Variants in PPFIA2 observed in about 807,000 individuals in gnomAD.
The protein encoded by PPFIA2 is liprin-alpha-2.
In PPFIA2, 46 loss-of-function variants were observed where a neutral mutation model predicts 175.5. The observed-to-expected ratio is 0.26, with a 90% CI of 0.21 to 0.34. PPFIA2 has a LOEUF of 0.34. PPFIA2 is among the 10% of genes least tolerant of loss of function. PPFIA2 has a pLI of 1.00. For synonymous variants in PPFIA2, 568 were observed against 511.4 expected, an observed-to-expected ratio of 1.11 and a Z score of -1.49; for missense variants, 1,179 against 1,506.1, an observed-to-expected ratio of 0.78 and a Z score of 3.60.
At chr12:81,332,063 A>G (rs987334819) in intron 21 of PPFIA2, among the ~76,000 whole-genome samples, 8 of 152,096 alleles carry the variant, frequency 5.3e-5, no homozygotes, top group Non-Finnish European at 1.2e-4. Context: ...TCCATACACT[A>G]TCATCATTTT....
chr12:81,470,036 G>A (rs909126524), intron 4 of PPFIA2, among the ~76,000 whole-genome samples: 2 of 152,132 alleles, frequency 1.3e-5, no homozygotes, highest in Non-Finnish European at 2.9e-5. Context: ...ATATATCTTT[G>A]TTGATTAAGC....
chr12:81,479,630 A>C lies in PPFIA2; in HGVS notation c.304-21764T>G, dbSNP rs147611005. On this transcript the variant is annotated intron_variant, in intron 4 of 32. Transcript: ENST00000549396. ...TGTAAGGCAGGCCTGGTGGTGACAAAATCTCTCAGCATTTGCTTGTCTGTA... is the reference window on the plus strand; with the variant it reads ...TGTAAGGCAGGCCTGGTGGTGACAACATCTCTCAGCATTTGCTTGTCTGTA... 1.8e-3 allele frequency among the ~76,000 whole-genome samples: 271 copies of C among 152,236 alleles called. 1 individual carries two copies. The highest frequency in any genetic ancestry group is 0.01 in the Middle Eastern group (3 of 294).
intron 4 of PPFIA2, among the ~76,000 whole-genome samples, chr12:81,636,318 T>G (rs976215624): frequency 8.3e-5 from 12 of 144,878 alleles, no homozygotes; most frequent in South Asian, 4.3e-4. Context: ...CAGGCTGGAG[T>G]GCAGTGGCGG....
intron 9 of PPFIA2, among the ~76,000 whole-genome samples, chr12:81,379,991 T>C (rs543192509): frequency 6.6e-6 from 1 of 152,172 alleles, no homozygotes; most frequent in Non-Finnish European, 1.5e-5. Context: ...TATTACAACA[T>C]ACATTTATTA....
chr12:81,445,788 C>A, intron 5 of PPFIA2, 68 bp from the exon 6 acceptor site: 1 of 1,441,626 alleles, frequency 6.9e-7, no homozygotes, highest in Non-Finnish European at 9.4e-7. Flanking sequence ...AAATGACTTC[C>A]CCCTTAAATT....
At chr12:81,380,933 C>G (rs116384907) in intron 9 of PPFIA2, among the ~76,000 whole-genome samples, 59 of 149,336 alleles carry the variant, frequency 4.0e-4, no homozygotes, top group African/African-American at 1.4e-3. Flanking sequence ...CTGAATATTT[C>G]AGAATTCGTT....
At chr12:81,594,096 C>T (rs1307842859) in intron 4 of PPFIA2, among the ~76,000 whole-genome samples, 1 of 152,034 alleles carries the variant, frequency 6.6e-6, no homozygotes, top group Admixed American at 6.6e-5. Flanking sequence ...CTATGTTGCA[C>T]CTGCCTTACA....
At chr12:81,277,277 C>A in intron 28 of PPFIA2, 40 bp downstream of exon 28, 2 of 1,496,536 alleles carry the variant, frequency 1.3e-6, no homozygotes, top group East Asian at 2.5e-5. Context: ...GCTAAAAACC[C>A]CAGAATAAAG....
rs2065463326 is a variant in PPFIA2 at position 81,642,813 on chromosome 12, CATACATGTATATGT to C, written c.303+33964_303+33977del. On this transcript the variant is annotated intron_variant, in intron 4 of 32. Coordinates refer to ENST00000549396, the MANE Select transcript of PPFIA2 (RefSeq NM_003625.5). ...TACATGTATATGTATGTATGTATTA[CATACATGTATATGT>C]ATGTATGTATTACATACATATATAA... 3.3e-5 allele frequency among the ~76,000 whole-genome samples: 2 copies of C among 60,282 alleles called. 1 individual carries two copies. Among genetic ancestry groups the C allele is most frequent in the Non-Finnish European group, 6.3e-5 (2 of 31,600 alleles). The allele number at this position is 60,282 out of a possible 152,430, so 39.5% of individuals were successfully genotyped here. A position where few individuals can be genotyped will look rare whatever the true frequency, so the allele number is the denominator to read the frequency against.
chr12:81,381,771 C>G (rs150267098), intron 9 of PPFIA2, among the ~76,000 whole-genome samples: 68 of 152,148 alleles, frequency 4.5e-4, no homozygotes, highest in African/African-American at 1.5e-3. Flanking sequence ...AGCAGTCTAC[C>G]ACTTCATGGT....
chr12:81,275,960 A>G (rs947377382), intron 28 of PPFIA2, among the ~76,000 whole-genome samples: 1 of 151,448 alleles, frequency 6.6e-6, no homozygotes, highest in Non-Finnish European at 1.5e-5. Flanking sequence ...AATTTTTTGT[A>G]TTTTTAGTAG....
chr12:81,554,984 C>T (rs2068590672), intron 4 of PPFIA2, among the ~76,000 whole-genome samples: 1 of 151,980 alleles, frequency 6.6e-6, no homozygotes, highest in Non-Finnish European at 1.5e-5. Flanking sequence ...GGAATAGGAT[C>T]TCAGAGTACA....
chr12:81,742,002 G>A (rs1406196826), intron 3 of PPFIA2, among the ~76,000 whole-genome samples: 1 of 152,108 alleles, frequency 6.6e-6, no homozygotes, highest in East Asian at 1.9e-4. Flanking sequence ...GGTTATTTAG[G>A]GGACAACTTT....
intron 21 of PPFIA2, among the ~76,000 whole-genome samples, chr12:81,333,605 T>C (rs765607140): frequency 2.4e-4 from 32 of 135,780 alleles, no homozygotes; most frequent in Non-Finnish European, 5.4e-4. Flanking sequence ...ATATTGACTT[T>C]AGAGTCACAT....
At chr12:81,727,393 A>G (rs1420692129) in intron 3 of PPFIA2, among the ~76,000 whole-genome samples, 1 of 151,390 alleles carries the variant, frequency 6.6e-6, no homozygotes, top group Admixed American at 6.6e-5. Flanking sequence ...TTTTTCACTA[A>G]CCATCAAAAG....
At chr12:81,606,772 C>T (rs1006428763) in intron 4 of PPFIA2, among the ~76,000 whole-genome samples, 8 of 152,016 alleles carry the variant, frequency 5.3e-5, no homozygotes, top group South Asian at 2.1e-4. Context: ...CATCTGTTTA[C>T]TTTGTTGATA....
At chr12:81,640,672 G>A (rs11114954) in intron 4 of PPFIA2, among the ~76,000 whole-genome samples, 8,434 of 151,632 alleles carry the variant, frequency 0.056, 353 homozygotes, top group East Asian at 0.23. Flanking sequence ...AATTTCAAGC[G>A]AGTTTTTCCT....
At chr12:81,309,827 A>AT (rs2050291217) in intron 22 of PPFIA2, among the ~76,000 whole-genome samples, 1 of 152,018 alleles carries the variant, frequency 6.6e-6, no homozygotes, top group Non-Finnish European at 1.5e-5. Flanking sequence ...GAATTTAAAT[A>AT]TTTTCAAAGC....
rs537311220 is a variant in PPFIA2 at position 81,403,793 on chromosome 12, G to T, written c.762+1994C>A. ...ATGCGGCCCCTCCCAAGTGCTGACA[G>T]GCCACCGTGCATGCAGACAGCCCAC... On this transcript the variant is annotated intron_variant, in intron 8 of 32. Transcript: ENST00000549396. Among the ~76,000 whole-genome samples the T allele has an allele frequency of 2.0e-5, 3 of 152,226 alleles. No individual in the cohort carries two copies. In the East Asian group the frequency reaches 5.8e-4, roughly 29 times the overall value.
Sources: gnomAD v4.1 joint callset for allele counts (sites outside exome capture counted in the v4.1 genomes callset) on GRCh38, gnomAD v4.1.1 for gene constraint, MANE v1.5 for transcripts, NCBI Gene and HGNC (gene_info 2026-07-23, HGNC 2026-07-21) for gene names.